Variants in ARL15 observed in about 807,000 individuals in gnomAD.
The protein encoded by ARL15 is ADP-ribosylation factor-like protein 15.
A neutral mutation model predicts 25.2 loss-of-function variants in ARL15; 19 were observed. The observed-to-expected ratio is 0.75, with a 90% CI of 0.53 to 1.10. The LOEUF is 1.10. ARL15 is among the 50% of genes least tolerant of loss of function. The pLI, the probability that ARL15 is intolerant of heterozygous loss-of-function variation, is 0.00. For synonymous variants in ARL15, 94 were observed against 86.8 expected (o/e 1.08, Z -0.46); for missense variants, 220 against 246.0 (o/e 0.89, Z 0.71).
chr5:54,246,802 A>ATG (rs1165028480), intron 1 of ARL15, among the ~76,000 whole-genome samples: 6 of 10,612 alleles, frequency 5.7e-4, no homozygotes, highest in African/African-American at 1.3e-3. Context: ...ATGCATACAC[A>ATG]CACACACACA....
intron 3 of ARL15, among the ~76,000 whole-genome samples, chr5:54,122,030 G>C (rs1753094240): frequency 6.6e-6 from 1 of 152,078 alleles, no homozygotes. Context: ...GAAGTAAAAG[G>C]CTACCAGATG....
intron 4 of ARL15, among the ~76,000 whole-genome samples, chr5:53,911,373 T>TTTCCTTCTCTCCCTCA (rs371294742): frequency 2.0e-5 from 3 of 152,088 alleles, no homozygotes; most frequent in Admixed American, 2.0e-4. Context: ...TTGTCCTTTC[T>TTTCCTTCTCTCCCTCA]TTCCTTCTCT....
At position 54,118,906 on chromosome 5, in the gene ARL15, G is replaced by A. The variant is rs560176646; in HGVS notation, c.254-5496C>T. ...CAAAGTTCTACGTACCATACAAACT[G>A]ATATGCCAGTTGCCCTCTCCTCACC... On this transcript the variant is annotated intron_variant, in intron 3 of 4. Coordinates refer to ENST00000504924, the MANE Select transcript of ARL15 (RefSeq NM_019087.3). 1.6e-4 allele frequency among the ~76,000 whole-genome samples: 24 copies of A among 152,306 alleles called. No individual in the cohort carries two copies. In the South Asian group the frequency reaches 4.8e-3, roughly 30 times the overall value.
intron 4 of ARL15, among the ~76,000 whole-genome samples, chr5:54,085,518 C>T (rs1012359387): frequency 1.2e-4 from 19 of 152,046 alleles, no homozygotes; most frequent in Admixed American, 9.2e-4. Context: ...TGTCACTGAA[C>T]GTACAGACTA....
intron 4 of ARL15, among the ~76,000 whole-genome samples, chr5:54,082,107 A>AGGAGGGGGGGAG (rs1554039042): frequency 7.4e-6 from 1 of 135,576 alleles, no homozygotes; most frequent in African/African-American, 2.9e-5. Flanking sequence ...AAAGAAGGAA[A>AGGAGGGGGGGAG]GGAGGGAGGG....
intron 4 of ARL15, among the ~76,000 whole-genome samples, chr5:53,907,498 T>A (rs1298463430): frequency 1.2e-3 from 100 of 80,258 alleles, no homozygotes; most frequent in African/African-American, 1.7e-3. Flanking sequence ...ATTTTTTTTT[T>A]TTTTTTTTTT....
At chr5:53,982,839 C>T (rs917853771) in intron 4 of ARL15, among the ~76,000 whole-genome samples, 2 of 152,134 alleles carry the variant, frequency 1.3e-5, no homozygotes, top group Non-Finnish European at 2.9e-5. Flanking sequence ...ACATCCTCTC[C>T]GGCACCTGTT....
At chr5:54,102,372 A>G (rs1187537719) in intron 4 of ARL15, among the ~76,000 whole-genome samples, 2 of 152,186 alleles carry the variant, frequency 1.3e-5, no homozygotes, top group African/African-American at 4.8e-5. Context: ...ATCTTTATGT[A>G]TAACAAGAAA....
At chr5:54,200,298 A>G (rs1755681516) in intron 1 of ARL15, among the ~76,000 whole-genome samples, 1 of 151,724 alleles carries the variant, frequency 6.6e-6, no homozygotes, top group South Asian at 2.1e-4. Context: ...GTATAATAAT[A>G]ATTAAAAAAA....
At chr5:54,053,500 T>G (rs552664001) in intron 4 of ARL15, among the ~76,000 whole-genome samples, 9 of 150,986 alleles carry the variant, frequency 6.0e-5, no homozygotes, top group East Asian at 2.0e-4. Flanking sequence ...AGAAAAAAAA[T>G]AAAAATAAAA....
intron 2 of ARL15, among the ~76,000 whole-genome samples, chr5:54,163,402 C>G (rs1460631723): frequency 2.3e-5 from 1 of 44,058 alleles, no homozygotes; most frequent in South Asian, 7.6e-4. Flanking sequence ...TTTGTAATGT[C>G]TCTGTGTGGT....
chr5:54,185,911 T>C (rs1379384236), intron 1 of ARL15, among the ~76,000 whole-genome samples: 2 of 152,146 alleles, frequency 1.3e-5, no homozygotes, highest in African/African-American at 2.4e-5. Flanking sequence ...TGGTCAAAGA[T>C]CTGATATGAT....
intron 4 of ARL15, among the ~76,000 whole-genome samples, chr5:54,056,829 G>A (rs978930773): frequency 3.9e-5 from 6 of 151,972 alleles, no homozygotes; most frequent in African/African-American, 1.2e-4. Flanking sequence ...TGGGCAAATC[G>A]TTGTTTTCCA....
At chr5:53,911,754 G>A (rs2111981287) in intron 4 of ARL15, among the ~76,000 whole-genome samples, 1 of 151,952 alleles carries the variant, frequency 6.6e-6, no homozygotes, top group South Asian at 2.1e-4. Flanking sequence ...CTCATAGCTT[G>A]GCTCCCACAT....
In ARL15 at chr5:54,190,931, T is replaced by C. The variant is rs1755379768; in HGVS notation, c.49-19003A>G. On this transcript the variant is annotated intron_variant, in intron 1 of 4. Transcript: ENST00000504924. ...CAAAAAATTAAAAATAGAATTATCA[T>C]CTGATCCAATAATGCCATGTCTGGA... Among the ~76,000 whole-genome samples the C allele has an allele frequency of 3.3e-5, 5 of 152,128 alleles. No homozygotes were observed. In the South Asian group the frequency reaches 1.0e-3, roughly 32 times the overall value.
chr5:54,006,842 G>A (rs370096136), intron 4 of ARL15, among the ~76,000 whole-genome samples: 70 of 152,212 alleles, frequency 4.6e-4, no homozygotes, highest in African/African-American at 1.6e-3. Context: ...TGCAATGTCA[G>A]CACTTTGGGA....
chr5:54,146,877 A>G (rs1442163046), intron 3 of ARL15, among the ~76,000 whole-genome samples: 1 of 152,158 alleles, frequency 6.6e-6, no homozygotes, highest in Non-Finnish European at 1.5e-5. Flanking sequence ...ATTTTTTAAA[A>G]TTTCCTAAGG....
intron 4 of ARL15, among the ~76,000 whole-genome samples, chr5:53,905,821 T>C (rs571075823): frequency 2.6e-5 from 4 of 152,222 alleles, no homozygotes; most frequent in Non-Finnish European, 2.9e-5. Context: ...TAAGTGTTAA[T>C]AACAAAACAA....
At chr5:54,080,183 C>A (rs554676591) in intron 4 of ARL15, among the ~76,000 whole-genome samples, 7 of 152,138 alleles carry the variant, frequency 4.6e-5, no homozygotes, top group African/African-American at 7.2e-5. Flanking sequence ...CATAGGAATT[C>A]TAAAGTTGAA....
Sources: gnomAD v4.1 joint callset for allele counts (sites outside exome capture counted in the v4.1 genomes callset) on GRCh38, gnomAD v4.1.1 for gene constraint, MANE v1.5 for transcripts, NCBI Gene and HGNC (gene_info 2026-07-23, HGNC 2026-07-21) for gene names.